Variants in LHX8 observed in about 807,000 individuals in gnomAD.
LHX8 encodes LIM/homeobox protein Lhx8.
In LHX8, 12 loss-of-function variants were observed where a neutral mutation model predicts 40.3. That is an observed-to-expected ratio of 0.30 (90% CI 0.19 to 0.48). The LOEUF (loss-of-function observed/expected upper bound fraction) is 0.48, where lower values mean the gene tolerates loss of function less well. LHX8 is among the 20% of genes least tolerant of loss of function. The pLI, the probability that LHX8 is intolerant of heterozygous loss-of-function variation, is 0.99. For missense variants in LHX8, 344 were observed against 433.7 expected, an observed-to-expected ratio of 0.79 and a Z score of 1.84; for synonymous variants, 179 against 162.0, an observed-to-expected ratio of 1.10 and a Z score of -0.80.
intron 7 of LHX8, among the ~76,000 whole-genome samples, chr1:75,151,130 G>T (rs1250907258): frequency 2.0e-5 from 3 of 152,086 alleles, no homozygotes; most frequent in Admixed American, 2.0e-4. Context: ...TGATACATGG[G>T]TACTTATTCT....
chr1:75,136,609 G>T lies in LHX8; in HGVS notation c.-6G>T, dbSNP rs1648142416. ...TCCCCCTCCTACTCCGCAGTGTCAG[G>T]GGCTCATGTCAGAGGAGTGCGGGCG... On this transcript the variant is annotated 5_prime_UTR_variant, in exon 2 of 9. Transcript: ENST00000356261. 1.9e-6 allele frequency: 3 copies of T among 1,550,064 alleles called. No individual in the cohort carries two copies. The East Asian group carries it at 7.3e-5, about 38-fold the overall frequency.
upstream of LHX8, among the ~76,000 whole-genome samples, chr1:75,133,981 C>T (rs1181699237): frequency 6.6e-6 from 1 of 152,098 alleles, no homozygotes; most frequent in African/African-American, 2.4e-5. Flanking sequence ...CTCGGCTACA[C>T]CGGACAGCTG....
At position 75,137,583 on chromosome 1, in the gene LHX8, A is replaced by T. The variant is rs569701797; in HGVS notation, c.237+322A>T. On this transcript the variant is annotated intron_variant, in intron 3 of 8. Transcript: ENST00000356261. ...TGGAAAAACCCTTATCCATTCTGAGACAGAAACCTGCTTAGTTATTTTTCA... is the reference window on the plus strand; with the variant it reads ...TGGAAAAACCCTTATCCATTCTGAGTCAGAAACCTGCTTAGTTATTTTTCA... 2.6e-5 allele frequency among the ~76,000 whole-genome samples: 4 copies of T among 152,268 alleles called. No homozygotes were observed. The East Asian group carries it at 7.7e-4, about 29-fold the overall frequency.
At chr1:75,192,665 A>G in the LHX8 span, among the ~76,000 whole-genome samples, 5 of 151,226 alleles carry the variant, frequency 3.3e-5, no homozygotes, top group South Asian at 2.1e-4. Flanking sequence ...TACTTTTTTC[A>G]TACATTGTGT....
intron 1 of LHX8, among the ~76,000 whole-genome samples, chr1:75,136,388 A>T (rs1234986697): frequency 2.6e-5 from 4 of 151,732 alleles, no homozygotes; most frequent in Non-Finnish European, 5.9e-5. Flanking sequence ...GGGACGAGCT[A>T]CCAGCGCTCG....
chr1:75,137,006 A>C (rs954473176), intron 2 of LHX8, 94 bp from the exon 3 acceptor site: 7 of 859,616 alleles, frequency 8.1e-6, no homozygotes, highest in African/African-American at 5.6e-5. Context: ...GCCAGGGGGA[A>C]GGGAGGGGAG....
chr1:75,167,677 A>T, the LHX8 span, among the ~76,000 whole-genome samples: 3 of 152,106 alleles, frequency 2.0e-5, no homozygotes, highest in African/African-American at 7.2e-5. Context: ...TTTTGTCTCA[A>T]GATTAGACTA....
chr1:75,137,285 G>A (rs758769850), intron 3 of LHX8, 24 bp downstream of exon 3: 1 of 1,610,290 alleles, frequency 6.2e-7, no homozygotes, highest in South Asian at 1.1e-5. Context: ...TCGGGTGCGA[G>A]GCCCAAGGGG....
Position 75,141,542 on chromosome 1 carries a change from C to T in LHX8, c.359+436C>T, listed in dbSNP as rs533862767. On this transcript the variant is annotated intron_variant, in intron 4 of 8. Coordinates refer to ENST00000356261, the MANE Select transcript of LHX8 (RefSeq NM_001256114.2). ...CATAGAATGATCCCTACTTATAAAC[C>T]TATAAAATTCTAAGGGTTTGTACAC... is the stretch of plus-strand genomic sequence containing the variant. Among the ~76,000 whole-genome samples the T allele has an allele frequency of 8.5e-4, 130 of 152,138 alleles. 1 individual carries two copies. Among genetic ancestry groups the T allele is most frequent in the Middle Eastern group, 6.8e-3 (2 of 294 alleles).
chr1:75,199,010 A>AT, the LHX8 span, among the ~76,000 whole-genome samples: 14 of 152,280 alleles, frequency 9.2e-5, no homozygotes, highest in South Asian at 2.5e-3. Flanking sequence ...TTGGGACATC[A>AT]TTCTTTTTTG....
downstream of LHX8, among the ~76,000 whole-genome samples, chr1:75,161,951 ATGTG>A (rs1648930392): frequency 6.6e-6 from 1 of 152,090 alleles, no homozygotes; most frequent in African/African-American, 2.4e-5. Flanking sequence ...ACTTTATCTT[ATGTG>A]GCAGTGGACT....
At chr1:75,178,095 T>A in the LHX8 span, among the ~76,000 whole-genome samples, 1 of 152,208 alleles carries the variant, frequency 6.6e-6, no homozygotes, top group Non-Finnish European at 1.5e-5. Flanking sequence ...TATTGAGGAT[T>A]TTTGCACTGA....
At chr1:75,185,232 G>C in the LHX8 span, among the ~76,000 whole-genome samples, 106 of 151,866 alleles carry the variant, frequency 7.0e-4, no homozygotes, top group African/African-American at 2.5e-3. Context: ...TGAGGAGGAG[G>C]GACTCCTCCT....
intron 3 of LHX8, 137 bp downstream of exon 3, chr1:75,137,398 C>A (rs1318131895): frequency 4.6e-6 from 4 of 860,806 alleles, no homozygotes; most frequent in East Asian, 2.7e-5. Context: ...AGAAAATCAG[C>A]CCAGTTTAGG....
chr1:75,155,481 G>A (rs529711826), intron 7 of LHX8, among the ~76,000 whole-genome samples: 22 of 152,108 alleles, frequency 1.4e-4, no homozygotes, highest in African/African-American at 2.9e-4. Context: ...TGATTCGCCC[G>A]CCTTGGCCTC....
chr1:75,195,033 T>C, the LHX8 span, among the ~76,000 whole-genome samples: 1 of 152,178 alleles, frequency 6.6e-6, no homozygotes, highest in Admixed American at 6.5e-5. Flanking sequence ...CAAACATAAG[T>C]CTTTAGAGTC....
chr1:75,187,397 C>T, the LHX8 span, among the ~76,000 whole-genome samples: 40 of 152,352 alleles, frequency 2.6e-4, no homozygotes, highest in South Asian at 6.2e-3. Flanking sequence ...ACAGATGCCA[C>T]ATTCCAAAAT....
At chr1:75,140,848 A>G (rs1384788967) in intron 3 of LHX8, 137 bp from the exon 4 acceptor site, 4 of 854,626 alleles carry the variant, frequency 4.7e-6, no homozygotes, top group Non-Finnish European at 5.6e-6. Context: ...TTAAAAAAAA[A>G]TGACATCTTT....
chr1:75,176,310 T>C, the LHX8 span, among the ~76,000 whole-genome samples: 914 of 152,330 alleles, frequency 6.0e-3, 11 homozygotes, highest in African/African-American at 0.021. Flanking sequence ...CATTCTTATA[T>C]CTCCACATCC....
Sources: allele counts gnomAD v4.1 joint callset (sites outside exome capture counted in the v4.1 genomes callset), GRCh38; gene constraint gnomAD v4.1.1; transcripts MANE v1.5; gene names NCBI Gene and HGNC (gene_info 2026-07-23, HGNC 2026-07-21).